Variants in CLSTN2 observed in about 807,000 individuals in gnomAD.
The protein encoded by CLSTN2 is calsyntenin 2, also known as calsyntenin-2.
CLSTN2 carries 48 observed loss-of-function variants against 101.2 expected under a neutral mutation model. The observed-to-expected ratio is 0.47, with a 90% CI of 0.38 to 0.60. The LOEUF (loss-of-function observed/expected upper bound fraction) is 0.60, where lower values mean the gene tolerates loss of function less well. CLSTN2 is among the 20% of genes least tolerant of loss of function. The pLI is 0.00. For missense variants in CLSTN2, 1,160 were observed against 1,238.2 expected (o/e 0.94, Z 0.95); for synonymous variants, 481 against 463.6 (o/e 1.04, Z -0.48).
intron 1 of CLSTN2, among the ~76,000 whole-genome samples, chr3:140,139,192 T>C (rs2009659799): frequency 6.6e-6 from 1 of 152,188 alleles, no homozygotes; most frequent in Non-Finnish European, 1.5e-5. Flanking sequence ...ACTTGCATTG[T>C]AGAGAACCAG....
chr3:140,065,326 C>T (rs545467745), intron 1 of CLSTN2, among the ~76,000 whole-genome samples: 9 of 152,306 alleles, frequency 5.9e-5, no homozygotes, highest in East Asian at 3.9e-4. Context: ...CTGGGCCCTG[C>T]GTTTCACCTT....
intron 1 of CLSTN2, among the ~76,000 whole-genome samples, chr3:140,018,391 C>A (rs758745050): frequency 6.6e-6 from 1 of 152,162 alleles, no homozygotes; most frequent in African/African-American, 2.4e-5. Context: ...TGCTTGAGCA[C>A]GGGGGTTGGC....
intron 2 of CLSTN2, among the ~76,000 whole-genome samples, chr3:140,244,593 A>G (rs1010937713): frequency 3.3e-5 from 5 of 152,202 alleles, no homozygotes; most frequent in Non-Finnish European, 7.3e-5. Flanking sequence ...CATGCCTGGC[A>G]CATACATAAT....
intron 2 of CLSTN2, among the ~76,000 whole-genome samples, chr3:140,270,201 C>T (rs1441622136): frequency 6.6e-6 from 1 of 152,160 alleles, no homozygotes. Flanking sequence ...CATTCATTGC[C>T]TCTTACCTGT....
intron 1 of CLSTN2, among the ~76,000 whole-genome samples, chr3:140,087,467 G>C (rs1193813677): frequency 6.6e-6 from 1 of 152,122 alleles, no homozygotes; most frequent in Non-Finnish European, 1.5e-5. Context: ...GCATTGGAAG[G>C]GCTCAGCTTC....
At chr3:140,291,150 A>G (rs2086947656) in intron 2 of CLSTN2, among the ~76,000 whole-genome samples, 1 of 152,122 alleles carries the variant, frequency 6.6e-6, no homozygotes, top group Non-Finnish European at 1.5e-5. Flanking sequence ...TGTGGTTATT[A>G]AAAAGTAGAC....
chr3:140,321,479 C>A, intron 2 of CLSTN2, among the ~76,000 whole-genome samples: 1 of 152,160 alleles, frequency 6.6e-6, no homozygotes, highest in Middle Eastern at 3.2e-3. Flanking sequence ...GCTCCCTACA[C>A]CCTCAGGTGT....
intron 2 of CLSTN2, among the ~76,000 whole-genome samples, chr3:140,279,132 T>G (rs1407040612): frequency 1.3e-5 from 2 of 152,200 alleles, no homozygotes; most frequent in African/African-American, 4.8e-5. Context: ...CTCAACATTA[T>G]GCCTATGAGA....
At chr3:140,291,477 C>T (rs967177952) in intron 2 of CLSTN2, among the ~76,000 whole-genome samples, 1 of 151,990 alleles carries the variant, frequency 6.6e-6, no homozygotes. Context: ...TTCTCTCCTG[C>T]ATTCTGTGAT....
intron 8 of CLSTN2, among the ~76,000 whole-genome samples, chr3:140,480,166 G>A (rs1395465445): frequency 4.7e-5 from 7 of 150,532 alleles, no homozygotes; most frequent in African/African-American, 1.2e-4. Flanking sequence ...TCACTGTTCA[G>A]TTCCCACCTA....
At chr3:140,233,314 G>C (rs981419081) in intron 2 of CLSTN2, among the ~76,000 whole-genome samples, 3 of 152,116 alleles carry the variant, frequency 2.0e-5, no homozygotes, top group African/African-American at 7.2e-5. Flanking sequence ...CTCAACAGAG[G>C]CTGACCTTCT....
chr3:140,527,980 G>T (rs1935178779), intron 8 of CLSTN2, among the ~76,000 whole-genome samples: 1 of 152,168 alleles, frequency 6.6e-6, no homozygotes, highest in Admixed American at 6.5e-5. Context: ...TGCTTGGGTA[G>T]TACTTGTGTG....
At chr3:139,963,723 G>T (rs1295458059) in intron 1 of CLSTN2, among the ~76,000 whole-genome samples, 1 of 152,164 alleles carries the variant, frequency 6.6e-6, no homozygotes, top group Non-Finnish European at 1.5e-5. Context: ...TTTCATGTTT[G>T]TTTGTTTGTT....
chr3:140,210,507 A>T (rs984863167), intron 2 of CLSTN2, among the ~76,000 whole-genome samples: 8 of 152,164 alleles, frequency 5.3e-5, no homozygotes, highest in African/African-American at 1.9e-4. Context: ...TTCCCAGCTG[A>T]GGTACAGACT....
At chr3:140,289,564 C>A (rs954390121) in intron 2 of CLSTN2, among the ~76,000 whole-genome samples, 1 of 152,100 alleles carries the variant, frequency 6.6e-6, no homozygotes, top group South Asian at 2.1e-4. Flanking sequence ...GGTCTCTGAC[C>A]CTTTCATGGC....
At chr3:140,133,693 C>T (rs888768512) in intron 1 of CLSTN2, among the ~76,000 whole-genome samples, 3 of 152,078 alleles carry the variant, frequency 2.0e-5, no homozygotes, top group Non-Finnish European at 2.9e-5. Context: ...GGAGGTCAAC[C>T]GCATTACATA....
chr3:140,428,317 G>A (rs1380853357), intron 5 of CLSTN2, among the ~76,000 whole-genome samples: 1 of 151,546 alleles, frequency 6.6e-6, no homozygotes, highest in African/African-American at 2.4e-5. Flanking sequence ...CACTTACTTG[G>A]TACATTTTCC....
At chr3:139,951,332 A>G (rs1330057107) in intron 1 of CLSTN2, among the ~76,000 whole-genome samples, 3 of 152,186 alleles carry the variant, frequency 2.0e-5, no homozygotes, top group Non-Finnish European at 4.4e-5. Flanking sequence ...TTTGGGGAAA[A>G]GAGGAAAATG....
intron 1 of CLSTN2, among the ~76,000 whole-genome samples, chr3:139,972,429 C>G (rs1935728413): frequency 1.3e-5 from 2 of 152,140 alleles, no homozygotes; most frequent in African/African-American, 4.8e-5. Flanking sequence ...GTTAGCATCT[C>G]TCTGGGGATG....
Sources: gnomAD v4.1 joint callset for allele counts (sites outside exome capture counted in the v4.1 genomes callset) on GRCh38, gnomAD v4.1.1 for gene constraint, MANE v1.5 for transcripts, NCBI Gene and HGNC (gene_info 2026-07-23, HGNC 2026-07-21) for gene names.